CBLB: variants seen among roughly 807,000 people sequenced by gnomAD.
CBLB encodes the protein E3 ubiquitin-protein ligase CBL-B.
Under a neutral mutation model 104.9 loss-of-function variants are expected in CBLB, and 31 were observed. The ratio of observed to expected loss-of-function variants is 0.30; its 90% CI spans 0.22 to 0.40. The LOEUF (loss-of-function observed/expected upper bound fraction) is 0.40, where lower values mean the gene tolerates loss of function less well. CBLB is among the 10% of genes least tolerant of loss of function. The pLI, the probability that CBLB is intolerant of heterozygous loss-of-function variation, is 1.00. For synonymous variants in CBLB, 440 were observed against 422.6 expected, an observed-to-expected ratio of 1.04 and a Z score of -0.51; for missense variants, 1,062 against 1,214.6, an observed-to-expected ratio of 0.87 and a Z score of 1.87.
At chr3:105,864,926 C>T (rs535640222) in intron 2 of CBLB, among the ~76,000 whole-genome samples, 1 of 152,254 alleles carries the variant, frequency 6.6e-6, no homozygotes, top group African/African-American at 2.4e-5. Context: ...TTTATACTTC[C>T]AAGATCTACC....
At chr3:105,742,213 G>A (rs188768312) in intron 6 of CBLB, among the ~76,000 whole-genome samples, 82 of 152,122 alleles carry the variant, frequency 5.4e-4, no homozygotes, top group African/African-American at 1.8e-3. Context: ...TTTAATATTC[G>A]AGCTGCTGTA....
intron 4 of CBLB, among the ~76,000 whole-genome samples, chr3:105,761,778 T>G (rs1203285140): frequency 6.6e-6 from 1 of 152,152 alleles, no homozygotes; most frequent in Non-Finnish European, 1.5e-5. Flanking sequence ...TGGAAGCAAC[T>G]TTGGAACTGG....
chr3:105,832,817 T>C (rs1323035660), intron 3 of CBLB, among the ~76,000 whole-genome samples: 7 of 152,136 alleles, frequency 4.6e-5, no homozygotes, highest in African/African-American at 1.7e-4. Flanking sequence ...GGAAATGAAG[T>C]AGGCACTGTG....
chr3:105,855,621 G>A (rs972374174), intron 2 of CBLB, among the ~76,000 whole-genome samples: 2 of 152,196 alleles, frequency 1.3e-5, no homozygotes, highest in African/African-American at 2.4e-5. Flanking sequence ...CATGGGAACA[G>A]TGAAATCCAA....
chr3:105,699,729 A>G (rs1351649825), intron 12 of CBLB, among the ~76,000 whole-genome samples: 1 of 152,168 alleles, frequency 6.6e-6, no homozygotes, highest in African/African-American at 2.4e-5. Context: ...TTATAACAGT[A>G]ATAAAAGAGG....
upstream of CBLB, chr3:105,869,055 G>A (rs536917905): frequency 1.8e-6 from 2 of 1,081,878 alleles, no homozygotes; most frequent in South Asian, 1.8e-5. Context: ...CTCGGGGCGG[G>A]GCGGGGCGGG....
At chr3:105,863,425 T>C (rs890646613) in intron 2 of CBLB, among the ~76,000 whole-genome samples, 1 of 152,210 alleles carries the variant, frequency 6.6e-6, no homozygotes, top group Non-Finnish European at 1.5e-5. Context: ...TCAAGAAGTA[T>C]AATTCAAATG....
intron 4 of CBLB, among the ~76,000 whole-genome samples, chr3:105,765,812 G>A (rs2078158330): frequency 6.6e-6 from 1 of 152,172 alleles, no homozygotes; most frequent in South Asian, 2.1e-4. Context: ...GATGTACGAG[G>A]AGATTAATGT....
At chr3:105,747,622 A>T (rs1373893824) in intron 5 of CBLB, among the ~76,000 whole-genome samples, 3 of 152,240 alleles carry the variant, frequency 2.0e-5, no homozygotes, top group East Asian at 3.8e-4. Context: ...CTAATGCATG[A>T]CTAAAAACTG....
intron 3 of CBLB, among the ~76,000 whole-genome samples, chr3:105,798,007 G>A (rs894545847): frequency 6.6e-6 from 1 of 152,244 alleles, no homozygotes; most frequent in Non-Finnish European, 1.5e-5. Flanking sequence ...GGAGCCATAT[G>A]AAGGGCAGAT....
Position 105,658,612 on chromosome 3 carries a change from T to C in CBLB, c.*358A>G, listed in dbSNP as rs1365502027. The C allele has an allele frequency of 2.1e-5, 8 of 381,476 alleles. No individual in the cohort carries two copies. The East Asian group carries it at 2.5e-4, about 12-fold the overall frequency. 23.6% of individuals were successfully genotyped at this position (381,476 alleles called of 1,614,324 possible). A position where few individuals can be genotyped will look rare whatever the true frequency, so the allele number is the denominator to read the frequency against. On this transcript the variant is annotated 3_prime_UTR_variant, in exon 19 of 19. Coordinates refer to ENST00000394030, the MANE Select transcript of CBLB (RefSeq NM_170662.5). ...GGGTCTGTGAAGAACACAGTACAGG[T>C]ATCAAAACACCAAAACAAAACTAAA...
chr3:105,747,216 A>G (rs2076189269), intron 5 of CBLB, among the ~76,000 whole-genome samples: 1 of 152,172 alleles, frequency 6.6e-6, no homozygotes, highest in Non-Finnish European at 1.5e-5. Context: ...AGGAACTGGC[A>G]GCATACTCTA....
chr3:105,741,215 G>C (rs760481660), intron 6 of CBLB, among the ~76,000 whole-genome samples: 17 of 149,820 alleles, frequency 1.1e-4, no homozygotes, highest in Non-Finnish European at 2.4e-4. Context: ...TTGAGACGCA[G>C]TCTCACTCTA....
chr3:105,848,883 T>C (rs923463213), intron 3 of CBLB, among the ~76,000 whole-genome samples: 3 of 152,132 alleles, frequency 2.0e-5, no homozygotes, highest in Non-Finnish European at 2.9e-5. Context: ...GGAGTCATTC[T>C]ACTAAACCAT....
intron 2 of CBLB, among the ~76,000 whole-genome samples, chr3:105,861,568 G>A (rs2092088956): frequency 6.6e-6 from 1 of 151,124 alleles, no homozygotes; most frequent in Non-Finnish European, 1.5e-5. Context: ...GAATGCTACT[G>A]CTTCAACTAT....
intron 3 of CBLB, among the ~76,000 whole-genome samples, chr3:105,784,240 CAAAAAAGAA>C (rs2080684262): frequency 1.3e-5 from 2 of 151,822 alleles, no homozygotes; most frequent in South Asian, 4.2e-4. Context: ...TCCATTGAGA[CAAAAAAGAA>C]AAAATAATCC....
At chr3:105,799,606 T>A (rs1268460046) in intron 3 of CBLB, among the ~76,000 whole-genome samples, 1 of 152,178 alleles carries the variant, frequency 6.6e-6, no homozygotes, top group Non-Finnish European at 1.5e-5. Context: ...TTTTTATTTA[T>A]ACTCATATAT....
intron 10 of CBLB, among the ~76,000 whole-genome samples, chr3:105,704,765 A>T (rs1173016626): frequency 6.6e-6 from 1 of 151,824 alleles, no homozygotes; most frequent in Non-Finnish European, 1.5e-5. Flanking sequence ...AACACAATGA[A>T]CTATATCTAG....
At chr3:105,828,557 A>G (rs2086945424) in intron 3 of CBLB, among the ~76,000 whole-genome samples, 2 of 152,222 alleles carry the variant, frequency 1.3e-5, no homozygotes, top group African/African-American at 4.8e-5. Context: ...GAAATACTAA[A>G]CATTTTCTAA....
Sources: gnomAD v4.1 joint callset for allele counts (sites outside exome capture counted in the v4.1 genomes callset) on GRCh38, gnomAD v4.1.1 for gene constraint, MANE v1.5 for transcripts, NCBI Gene and HGNC (gene_info 2026-07-23, HGNC 2026-07-21) for gene names.